The following CSPG4 variants were observed in gnomAD, a reference collection of about 807,000 sequenced individuals.
CSPG4 encodes chondroitin sulfate proteoglycan 4 (melanoma-associated).
In CSPG4, 74 loss-of-function variants were observed where a neutral mutation model predicts 139.3. The ratio of observed to expected loss-of-function variants is 0.53; its 90% CI spans 0.44 to 0.64. The LOEUF (loss-of-function observed/expected upper bound fraction) is 0.64. Among genes scored for constraint, CSPG4 ranks in the 30% least tolerant of loss-of-function variants. The probability of loss-of-function intolerance (pLI) is 0.00; values close to 1 mark genes in which losing one functional copy is unlikely to be tolerated. For synonymous variants in CSPG4, 1,234 were observed against 1,394.2 expected (o/e 0.89, Z 2.56); for missense variants, 2,565 against 3,148.3 (o/e 0.81, Z 4.43).
At position 75,685,589 on chromosome 15, in the gene CSPG4, C is replaced by T; in HGVS notation, c.3902G>A (p.Ser1301Asn). Residue 1301 changes from serine to asparagine, a missense_variant, in exon 4 of 10, where the codon AGC becomes AAC. Physicochemically the swap from Ser to Asn is conservative, Grantham distance 46 (BLOSUM62 1). Transcript: ENST00000308508. Reference sequence around the variant, plus strand: ...GGAGAAGCTCTGCACAGGGTCCAGGCTGGGTGGCTCATCTGCCAAGGCGCC... The same window carrying T: ...GGAGAAGCTCTGCACAGGGTCCAGGTTGGGTGGCTCATCTGCCAAGGCGCC... ...SRGALADEPP[S>N]LDPVQSFSQE... 6.2e-7 allele frequency: 1 copy of T among 1,609,612 alleles called. No homozygotes were observed. The highest frequency in any genetic ancestry group is 8.5e-7 in the Non-Finnish European group (1 of 1,179,112).
Position 75,687,752 on chromosome 15 carries a change from G to T in CSPG4, c.3313C>A (p.Leu1105Met). 1 of 1,612,974 alleles carries T rather than the reference G, an allele frequency of 6.2e-7. No homozygotes were observed. Among genetic ancestry groups the T allele is most frequent in the Non-Finnish European group, 8.5e-7 (1 of 1,180,020 alleles). Residue 1105 changes from leucine to methionine, a missense_variant, in exon 3 of 10, where the codon CTG becomes ATG. By Grantham distance (15) the Leu-to-Met change is conservative (BLOSUM62 2). This residue lies in a region of CSPG4 where 2,316 missense variants were observed against 2,818.2 expected (regional missense o/e 0.82). Transcript: ENST00000308508. This position sits in a 1 kb window ranked among gnomAD's most constrained non-coding sequence, Gnocchi z 5.4. ...TGGTGTTGCCCGTCGGACACCTGCAGCTGGATCCAGCCACGGTCAGCCCCT... is the reference window on the plus strand; with the variant it reads ...TGGTGTTGCCCGTCGGACACCTGCATCTGGATCCAGCCACGGTCAGCCCCT... Reference protein sequence around the residue: ...HSGADRGWIQLQVSDGQHQAT... With the variant: ...HSGADRGWIQMQVSDGQHQAT...
chr15:75,690,827 G>T lies in CSPG4; in HGVS notation c.253-15C>A. On this transcript the variant is annotated splice_polypyrimidine_tract_variant and intron_variant, in intron 2 of 9. Transcript: ENST00000308508. ...ACAAGTCTGACCTGAAGAGAGATGG[G>T]GAGTGGGAGATAGTGGACAGCACTT... 6.3e-7 allele frequency: 1 copy of T among 1,593,300 alleles called. No homozygotes were observed. Among genetic ancestry groups the T allele is most frequent in the Non-Finnish European group, 8.6e-7 (1 of 1,167,126 alleles).
In CSPG4 at chr15:75,682,615, ACAGT is replaced by A. The variant is rs945497898; in HGVS notation, c.4771_4774del (p.Thr1591SerfsTer37). ...ATGATCAGCACACCCACCTGGGCAG[ACAGT>A]CAGTGTCTGGCTGCCCTTCAGCGAG... On this transcript the variant is annotated frameshift_variant, in exon 7 of 10. Transcript: ENST00000308508. LOFTEE classifies it high-confidence loss of function. The A allele has an allele frequency of 1.9e-6, 3 of 1,613,054 alleles. No individual in the cohort carries two copies. The highest frequency in any genetic ancestry group is 1.1e-5 in the South Asian group (1 of 91,086).
rs765597004 is a variant in CSPG4 at position 75,675,725 on chromosome 15, C to T, written c.6794G>A (p.Arg2265His). ...HDVQVLTAKP[R>H]NGLAGDTETF... ...CTCGGTGTCACCAGCCAGGCCGTTG[C>T]GGGGCTTGGCAGTCAGGACCTGGAC... The change falls in exon 10 of 10, where the codon CGC (arginine) becomes CAC (histidine). Residue 2265 changes from arginine (R) to histidine (H), a missense_variant. Arg to His is a conservative substitution (Grantham distance 29, BLOSUM62 0). Around this residue, in one of 5 missense-constraint regions of CSPG4, gnomAD observed 2,316 missense variants for 2,818.2 expected, o/e 0.82. Coordinates refer to ENST00000308508, the MANE Select transcript of CSPG4 (RefSeq NM_001897.5). 8.2e-6 allele frequency: 13 copies of T among 1,592,852 alleles called. No homozygotes were observed. Among genetic ancestry groups the T allele is most frequent in the Admixed American group, 1.7e-5 (1 of 58,754 alleles).
chr15:75,697,062 C>T (rs985497113), intron 1 of CSPG4, among the ~76,000 whole-genome samples: 4 of 152,228 alleles, frequency 2.6e-5, no homozygotes, highest in Admixed American at 6.5e-5. Context: ...CCGCCTCCCC[C>T]GGCCAGGGCC....
chr15:75,706,470 C>T lies in CSPG4; in HGVS notation c.88+6198G>A, dbSNP rs111684447. On this transcript the variant is annotated intron_variant, in intron 1 of 9. Transcript: ENST00000308508. Reference sequence around the variant, plus strand: ...GTGTGTGTGCACACACACGCATGTGCACTTACTGGGTGTCAGGCTGAAGAA... The same window carrying T: ...GTGTGTGTGCACACACACGCATGTGTACTTACTGGGTGTCAGGCTGAAGAA... Among the ~76,000 whole-genome samples, 495 of 152,218 alleles carry T rather than the reference C, an allele frequency of 3.3e-3. 7 individuals are homozygous for T. The highest frequency in any genetic ancestry group is 0.011 in the African/African-American group (474 of 41,542).
chr15:75,698,120 G>A lies in CSPG4; in HGVS notation c.89-4887C>T, dbSNP rs1301874262. 6.6e-6 allele frequency among the ~76,000 whole-genome samples: 1 copy of A among 152,146 alleles called. No individual in the cohort carries two copies. The highest frequency in any genetic ancestry group is 1.5e-5 in the Non-Finnish European group (1 of 68,024). ...GGGGATGCCCAGCCAGCCTGCTGGG[G>A]AGGGAGGGCCCTGCTCCAAGACGAA... On this transcript the variant is annotated intron_variant, in intron 1 of 9. Transcript: ENST00000308508. The surrounding 1 kb of genome is among the most constrained non-coding windows in gnomAD (Gnocchi z 4.3).
intron 5 of CSPG4, among the ~76,000 whole-genome samples, chr15:75,684,281 G>A (rs1038512988): frequency 6.6e-6 from 1 of 152,230 alleles, no homozygotes; most frequent in East Asian, 1.9e-4. Context: ...CTGCCTGAGC[G>A]AAGTTCACCA....
chr15:75,705,278 C>T (rs1416460548), intron 1 of CSPG4, among the ~76,000 whole-genome samples: 3 of 152,216 alleles, frequency 2.0e-5, no homozygotes, highest in Non-Finnish European at 2.9e-5. Context: ...TGGCTGATAC[C>T]CTCTCCAGAG....
In CSPG4 at chr15:75,693,146, T is replaced by C; in HGVS notation, c.176A>G (p.Gln59Arg). The change falls in exon 2 of 10, where the codon CAG becomes CGG. Residue 59 changes from glutamine to arginine, a missense_variant. Transcript: ENST00000308508. Reference protein sequence around the residue: ...IDLQLQFSTSQPEALLLLAAG... With the variant: ...IDLQLQFSTSRPEALLLLAAG... ...TGCCAGGAGAAGGAGGGCTTCGGGC[T>C]GGGACGTGGAGAACTGCAGCTGCAG... 1 of 1,601,150 alleles carries C rather than the reference T, an allele frequency of 6.2e-7. No homozygotes were observed. Among genetic ancestry groups the C allele is most frequent in the African/African-American group, 1.3e-5 (1 of 74,890 alleles).
intron 3 of CSPG4, among the ~76,000 whole-genome samples, chr15:75,686,902 G>T (rs759092858): frequency 6.6e-6 from 1 of 152,172 alleles, no homozygotes; most frequent in African/African-American, 2.4e-5. Context: ...CTGTCTCCAC[G>T]GTCAGCAATC....
rs1452040768 is a variant in CSPG4, at chr15:75,698,392, T to C, written c.89-5159A>G. On this transcript the variant is annotated intron_variant, in intron 1 of 9. Transcript: ENST00000308508. This position sits in a 1 kb window ranked among gnomAD's most constrained non-coding sequence, Gnocchi z 4.3. ...TGTGAGAGCATGGACGGGCCAGGTG[T>C]GCTTCCCCAGCAGCGGACCCTCCCT... Among the ~76,000 whole-genome samples, 2 of 151,524 alleles carry C rather than the reference T, an allele frequency of 1.3e-5. No individual in the cohort carries two copies. The highest frequency in any genetic ancestry group is 2.4e-5 in the African/African-American group (1 of 41,092).
chr15:75,681,049 C>A (rs1370154105), intron 8 of CSPG4, among the ~76,000 whole-genome samples: 1 of 152,198 alleles, frequency 6.6e-6, no homozygotes, highest in Non-Finnish European at 1.5e-5. Context: ...CCTCTCCATT[C>A]CTGGGCATTC....
rs1210856719 is a variant in CSPG4 at position 75,687,510 on chromosome 15, T to A, written c.3555A>T (p.Thr1185=). 6.2e-7 allele frequency: 1 copy of A among 1,612,186 alleles called. No homozygotes were observed. Among genetic ancestry groups the A allele is most frequent in the Non-Finnish European group, 8.5e-7 (1 of 1,179,456 alleles). ...CCAGCAGGTCCTGCTGGGAGAAGGC[T>A]GTGGCTGGCTGACCAGCCCGGACTA... is the stretch of plus-strand genomic sequence containing the variant. ...GQLVRAGQPA[T]AFSQQDLLDG... Residue 1185 remains threonine (T), a synonymous_variant, in exon 3 of 10, where the codon ACA becomes ACT. Transcript: ENST00000308508. The surrounding 1 kb of genome is among the most constrained non-coding windows in gnomAD (Gnocchi z 5.4).
chr15:75,692,654 G>T (rs1355526050), intron 2 of CSPG4, among the ~76,000 whole-genome samples: 2 of 152,246 alleles, frequency 1.3e-5, no homozygotes, highest in Non-Finnish European at 2.9e-5. Flanking sequence ...GGGCTCAGGA[G>T]GGGGCCTAGC....
chr15:75,680,572 A>AGGAGTG (rs907919471), intron 8 of CSPG4: 1 of 152,804 alleles, frequency 6.5e-6, no homozygotes, highest in Non-Finnish European at 1.5e-5. Context: ...TGGAGCCCCC[A>AGGAGTG]GGAGTGGGAG....
chr15:75,704,020 G>T (rs1419489717), intron 1 of CSPG4, among the ~76,000 whole-genome samples: 1 of 107,040 alleles, frequency 9.3e-6, no homozygotes, highest in Non-Finnish European at 1.9e-5. Context: ...CTCTCATCCC[G>T]GGGGGAGCCC....
At chr15:75,692,773 C>G (rs1248142484) in intron 2 of CSPG4, among the ~76,000 whole-genome samples, 1 of 152,186 alleles carries the variant, frequency 6.6e-6, no homozygotes, top group Non-Finnish European at 1.5e-5. Context: ...CATCAAGAGC[C>G]TGGCAGCAAG....
rs766064800 is a variant in CSPG4 at position 75,688,626 on chromosome 15, C to T, written c.2439G>A (p.Glu813=). 2 of 1,612,766 alleles carry T rather than the reference C, an allele frequency of 1.2e-6. No homozygotes were observed. Among genetic ancestry groups the T allele is most frequent in the South Asian group, 2.2e-5 (2 of 91,060 alleles). The change falls in exon 3 of 10, where the codon GAG becomes GAA. Residue 813 remains glutamate, a synonymous_variant. Coordinates refer to ENST00000308508, the MANE Select transcript of CSPG4 (RefSeq NM_001897.5). ...TTAHLEATLE[E]AGPSPPTFHY... ...GGAAGGTTGGGGGGCTTGGGCCTGC[C>T]TCCTCCAGGGTGGCCTCCAGGTGGG... is the stretch of plus-strand genomic sequence containing the variant.
Sources: allele counts gnomAD v4.1 joint callset (sites outside exome capture counted in the v4.1 genomes callset), GRCh38; gene constraint gnomAD v4.1.1; regional missense constraint gnomAD v4.1.1; non-coding constraint Gnocchi (gnomAD v3.1); transcripts MANE v1.5; gene names NCBI Gene and HGNC (gene_info 2026-07-23, HGNC 2026-07-21).